ASXL3: variants seen among roughly 807,000 people sequenced by gnomAD.
The protein encoded by ASXL3 is putative Polycomb group protein ASXL3.
ASXL3 carries 34 observed loss-of-function variants against 170.6 expected under a neutral mutation model. The ratio of observed to expected loss-of-function variants is 0.20; its 90% CI spans 0.15 to 0.27. ASXL3 has a LOEUF of 0.27. Among genes scored for constraint, ASXL3 ranks in the 10% least tolerant of loss-of-function variants. ASXL3 has a pLI of 1.00. For synonymous variants in ASXL3, 1,002 were observed against 989.1 expected (o/e 1.01, Z -0.24); for missense variants, 2,592 against 2,695.3 (o/e 0.96, Z 0.85).
chr18:33,599,001 T>G (rs1471357692), intron 1 of ASXL3, among the ~76,000 whole-genome samples: 1 of 152,164 alleles, frequency 6.6e-6, no homozygotes, highest in Non-Finnish European at 1.5e-5. Flanking sequence ...AATGAACTCA[T>G]ATGCATGTTA....
At chr18:33,606,467 A>T (rs1048749667) in intron 1 of ASXL3, among the ~76,000 whole-genome samples, 1 of 152,016 alleles carries the variant, frequency 6.6e-6, no homozygotes, top group African/African-American at 2.4e-5. Flanking sequence ...AGGGACCTTG[A>T]TGAACAGAGC....
At position 33,578,497 on chromosome 18, in the gene ASXL3, G is replaced by GCCA. The variant is rs1307553575; in HGVS notation, c.-132_-130dup. On this transcript the variant is annotated 5_prime_UTR_variant, in exon 1 of 12. Coordinates refer to ENST00000269197, the MANE Select transcript of ASXL3 (RefSeq NM_030632.3). ...CGCCGCCGCCGCCGCCGCCGCCGCC[G>GCCA]CCACCGCCCGCGCGCCTCCCCCCGC... The GCCA allele has an allele frequency of 3.3e-5, 9 of 272,642 alleles. No homozygotes were observed. The South Asian group carries it at 1.2e-3, about 35-fold the overall frequency. The allele number at this position is 272,642 out of a possible 1,614,324, so 16.9% of individuals were successfully genotyped here. A position where few individuals can be genotyped will look rare whatever the true frequency, so the allele number is the denominator to read the frequency against.
intron 1 of ASXL3, among the ~76,000 whole-genome samples, chr18:33,588,682 C>G: frequency 6.6e-6 from 1 of 152,072 alleles, no homozygotes; most frequent in Non-Finnish European, 1.5e-5. Flanking sequence ...ACTCTAGGTC[C>G]CATGTCTGTA....
chr18:33,688,190 A>G (rs1263977515), intron 8 of ASXL3, among the ~76,000 whole-genome samples: 2 of 152,188 alleles, frequency 1.3e-5, no homozygotes, highest in Non-Finnish European at 2.9e-5. Context: ...GCCTAAACCC[A>G]GTACGCCTGT....
intron 9 of ASXL3, among the ~76,000 whole-genome samples, chr18:33,733,215 C>T (rs1460712030): frequency 6.6e-6 from 1 of 152,096 alleles, no homozygotes; most frequent in African/African-American, 2.4e-5. Flanking sequence ...CCCCCTACTC[C>T]TTCCCCAGTG....
chr18:33,745,242 T>C lies in ASXL3; in HGVS notation c.5394T>C (p.Ile1798=), dbSNP rs1384162161. ...CAGCACCAGAGAGAAACGTTGAAAT[T>C]CCGCCCAGCTCTCCAAATCCAGATG... The part of the protein sequence containing the change: ...GKTAPERNVE[I]PPSSPNPDGK... The change falls in exon 12 of 12, where the codon ATT becomes ATC. Residue 1798 remains isoleucine (I), a synonymous_variant. Transcript: ENST00000269197. 3 of 1,613,848 alleles carry C rather than the reference T, an allele frequency of 1.9e-6. No homozygotes were observed. The highest frequency in any genetic ancestry group is 2.2e-5 in the South Asian group (2 of 91,090).
At chr18:33,622,710 C>A (rs1486588319) in intron 2 of ASXL3, among the ~76,000 whole-genome samples, 1 of 152,106 alleles carries the variant, frequency 6.6e-6, no homozygotes, top group Non-Finnish European at 1.5e-5. Flanking sequence ...AGATAGCTTG[C>A]AGCTGGAAGA....
At chr18:33,710,527 T>A (rs562480163) in intron 8 of ASXL3, among the ~76,000 whole-genome samples, 1 of 152,234 alleles carries the variant, frequency 6.6e-6, no homozygotes, top group Non-Finnish European at 1.5e-5. Context: ...TTCTTCTGAA[T>A]GTGTGCTTCT....
At chr18:33,704,264 G>T (rs1476321129) in intron 8 of ASXL3, among the ~76,000 whole-genome samples, 1 of 151,982 alleles carries the variant, frequency 6.6e-6, no homozygotes, top group Admixed American at 6.6e-5. Context: ...AAGAAAAGTT[G>T]CAGTTTGTCA....
At chr18:33,740,602 A>G (rs2067646839) in intron 11 of ASXL3, among the ~76,000 whole-genome samples, 159 bp downstream of exon 11, 1 of 152,190 alleles carries the variant, frequency 6.6e-6, no homozygotes. Context: ...ATGACTATGT[A>G]CTGAATTCAT....
chr18:33,681,639 T>C (rs763701887), intron 7 of ASXL3, among the ~76,000 whole-genome samples: 4 of 151,958 alleles, frequency 2.6e-5, no homozygotes, highest in Non-Finnish European at 4.4e-5. Context: ...TTCAACACAC[T>C]AGATGGAGGA....
At chr18:33,724,481 C>T (rs1424228435) in intron 8 of ASXL3, among the ~76,000 whole-genome samples, 1 of 152,016 alleles carries the variant, frequency 6.6e-6, no homozygotes, top group Non-Finnish European at 1.5e-5. Flanking sequence ...TTCATTGTCT[C>T]ATGCTTATCA....
intron 2 of ASXL3, among the ~76,000 whole-genome samples, chr18:33,628,982 G>T (rs939758513): frequency 2.6e-5 from 4 of 152,192 alleles, no homozygotes; most frequent in African/African-American, 9.6e-5. Context: ...TAGTCAGAGA[G>T]GATGTTGTTT....
rs1245354689 is a variant in ASXL3 at position 33,749,140 on chromosome 18, A to G, written c.*2545A>G. 7.3e-5 allele frequency: 11 copies of G among 151,648 alleles called. No homozygotes were observed. The highest frequency in any genetic ancestry group is 1.6e-4 in the Non-Finnish European group (11 of 67,978). The allele number at this position is 151,648 out of a possible 1,614,324, so 9.4% of individuals were successfully genotyped here. A position where few individuals can be genotyped will look rare whatever the true frequency, so the allele number is the denominator to read the frequency against. ...GTTCTCATATGGTTTATATTACTGAAAAATTAATATCTTTAAGCTAAAATA... is the reference window on the plus strand; with the variant it reads ...GTTCTCATATGGTTTATATTACTGAGAAATTAATATCTTTAAGCTAAAATA... On this transcript the variant is annotated 3_prime_UTR_variant, in exon 12 of 12. Transcript: ENST00000269197.
intron 2 of ASXL3, among the ~76,000 whole-genome samples, chr18:33,612,640 A>G (rs988538644): frequency 3.3e-5 from 5 of 152,010 alleles, no homozygotes; most frequent in African/African-American, 1.2e-4. Flanking sequence ...TTTATTAAAT[A>G]TGTTGCATTT....
At chr18:33,639,618 T>C (rs2065817707) in intron 2 of ASXL3, among the ~76,000 whole-genome samples, 1 of 152,140 alleles carries the variant, frequency 6.6e-6, no homozygotes, top group Admixed American at 6.6e-5. Flanking sequence ...GTAGATCTTG[T>C]TTTAAAATAA....
intron 2 of ASXL3, among the ~76,000 whole-genome samples, chr18:33,624,427 C>A (rs1237201524): frequency 6.6e-6 from 1 of 151,930 alleles, no homozygotes; most frequent in Non-Finnish European, 1.5e-5. Context: ...CATATTAGTG[C>A]TCAGGTTTTT....
Position 33,739,625 on chromosome 18 carries a change from A to G in ASXL3, c.2221A>G (p.Thr741Ala). Residue 741 changes from threonine (T) to alanine (A), a missense_variant, in exon 11 of 12, where the codon ACT (threonine) becomes GCT (alanine). Thr to Ala is a moderately conservative substitution (Grantham distance 58). This residue lies in a region of ASXL3 where 2,246 missense variants were observed against 2,219.6 expected (regional missense o/e 1.01). Transcript: ENST00000269197. ...TTCCATGCTTCTCACCTCTGAGACCACTTTTGTATCCAGTTTGCCACTTCC... is the reference window on the plus strand; with the variant it reads ...TTCCATGCTTCTCACCTCTGAGACCGCTTTTGTATCCAGTTTGCCACTTCC... The part of the protein sequence containing the change: ...VSSMLLTSET[T>A]FVSSLPLPSE... 1.2e-6 allele frequency: 2 copies of G among 1,613,880 alleles called. No individual in the cohort carries two copies. The highest frequency in any genetic ancestry group is 1.7e-5 in the Admixed American group (1 of 60,018).
Position 33,744,319 on chromosome 18 carries a change from G to A in ASXL3, c.4471G>A (p.Val1491Ile), listed in dbSNP as rs751537958. The A allele has an allele frequency of 9.9e-6, 16 of 1,613,882 alleles. No individual in the cohort carries two copies. The East Asian group carries it at 1.3e-4, about 13-fold the overall frequency. ...LTSSLSLTVS[V>I]ESSEASLDLQ... ...CTCCAGTTTGTCTCTGACTGTCTCC[G>A]TTGAAAGCTCAGAAGCCAGCTTGGA... The change falls in exon 12 of 12, where the codon GTT becomes ATT. Residue 1491 changes from valine to isoleucine, a missense_variant. Transcript: ENST00000269197.
Sources: gnomAD v4.1 joint callset for allele counts (sites outside exome capture counted in the v4.1 genomes callset) on GRCh38, gnomAD v4.1.1 for gene constraint, gnomAD v4.1.1 regional missense constraint, MANE v1.5 for transcripts, NCBI Gene and HGNC (gene_info 2026-07-23, HGNC 2026-07-21) for gene names.